The following TAFA1 variants were observed in gnomAD, a reference collection of about 807,000 sequenced individuals.
TAFA1 encodes TAFA chemokine like family member 1, also known as chemokine-like protein TAFA-1.
In TAFA1, 4 loss-of-function variants were observed where a neutral mutation model predicts 18.5. The ratio of observed to expected loss-of-function variants is 0.22; its 90% CI spans 0.11 to 0.49. TAFA1 has a LOEUF of 0.49. TAFA1 is among the 20% of genes least tolerant of loss of function. TAFA1 has a pLI of 0.98. For missense variants in TAFA1, 147 were observed against 169.0 expected (o/e 0.87, Z 0.72); for synonymous variants, 56 against 55.2 (o/e 1.01, Z -0.06).
chr3:68,497,065 G>T (rs1205875230), intron 3 of TAFA1, among the ~76,000 whole-genome samples: 1 of 152,106 alleles, frequency 6.6e-6, no homozygotes, highest in Non-Finnish European at 1.5e-5. Context: ...TTAGAATGAT[G>T]CCTTGTACAT....
chr3:68,149,522 T>C (rs530117755), intron 2 of TAFA1, among the ~76,000 whole-genome samples: 1 of 152,180 alleles, frequency 6.6e-6, no homozygotes, highest in African/African-American at 2.4e-5. Context: ...GGGGATCCAG[T>C]GTGTGGAGAC....
At chr3:68,176,096 G>T (rs746946621) in intron 2 of TAFA1, among the ~76,000 whole-genome samples, 2 of 152,222 alleles carry the variant, frequency 1.3e-5, no homozygotes, top group Non-Finnish European at 2.9e-5. Flanking sequence ...CCCCAGCCAT[G>T]TGGAACTGTA....
At chr3:68,020,711 A>G (rs543715773) in intron 2 of TAFA1, among the ~76,000 whole-genome samples, 1 of 152,304 alleles carries the variant, frequency 6.6e-6, no homozygotes, top group Admixed American at 6.5e-5. Context: ...TTCTGATAAT[A>G]AAATCCATGT....
intron 2 of TAFA1, among the ~76,000 whole-genome samples, chr3:68,012,877 G>A (rs1704499405): frequency 6.6e-6 from 1 of 152,126 alleles, no homozygotes; most frequent in Admixed American, 6.5e-5. Context: ...ATGAAACACT[G>A]TCTTCTGAAG....
intron 2 of TAFA1, among the ~76,000 whole-genome samples, chr3:68,291,646 G>A (rs928908061): frequency 2.0e-4 from 30 of 151,656 alleles, no homozygotes; most frequent in Non-Finnish European, 3.1e-4. Context: ...CGATCCACAC[G>A]TTAAGGTAGT....
chr3:68,313,982 C>T (rs72626962), intron 2 of TAFA1, among the ~76,000 whole-genome samples: 3,937 of 151,996 alleles, frequency 0.026, 90 homozygotes, highest in East Asian at 0.098. Context: ...AAAAGGAATC[C>T]TTTTTTTTCA....
intron 2 of TAFA1, among the ~76,000 whole-genome samples, chr3:68,311,155 G>A (rs1349513826): frequency 6.6e-6 from 1 of 152,084 alleles, no homozygotes; most frequent in Non-Finnish European, 1.5e-5. Context: ...CAAGAGAACA[G>A]CACAGGAGAG....
chr3:68,192,727 AT>A (rs1190750232), intron 2 of TAFA1: 1 of 151,722 alleles, frequency 6.6e-6, no homozygotes, highest in Non-Finnish European at 1.5e-5. Flanking sequence ...ATAAAATAAA[AT>A]TTTAATCAAT....
chr3:68,303,706 C>T (rs1347212234), intron 2 of TAFA1, among the ~76,000 whole-genome samples: 6 of 152,096 alleles, frequency 3.9e-5, no homozygotes, highest in Non-Finnish European at 8.8e-5. Context: ...GCCTTTGCCT[C>T]CCAAAGTGCT....
At chr3:68,382,520 G>C (rs1189753631) in intron 2 of TAFA1, among the ~76,000 whole-genome samples, 1 of 152,034 alleles carries the variant, frequency 6.6e-6, no homozygotes, top group Non-Finnish European at 1.5e-5. Context: ...TCAAAGATGA[G>C]ATTATTATCG....
intron 2 of TAFA1, among the ~76,000 whole-genome samples, chr3:68,159,540 C>T (rs1464337126): frequency 6.6e-6 from 1 of 152,100 alleles, no homozygotes; most frequent in Non-Finnish European, 1.5e-5. Context: ...CTTTTCTCTT[C>T]TCCACTTCCC....
chr3:68,301,373 T>C (rs1376833341), intron 2 of TAFA1, among the ~76,000 whole-genome samples: 1 of 152,224 alleles, frequency 6.6e-6, no homozygotes, highest in Non-Finnish European at 1.5e-5. Flanking sequence ...TAATTCTTTT[T>C]ATAGGTGCAT....
At position 68,050,713 on chromosome 3, in the gene TAFA1, G is replaced by T. The variant is rs75617315; in HGVS notation, c.118+43969G>T. On this transcript the variant is annotated intron_variant, in intron 2 of 4. Transcript: ENST00000478136. ...CCAGATTTTCAGCTTCTAAAGCAAGGGTCAGCCATTGACTAACTTTTCCTG... is the reference window on the plus strand; with the variant it reads ...CCAGATTTTCAGCTTCTAAAGCAAGTGTCAGCCATTGACTAACTTTTCCTG... Among the ~76,000 whole-genome samples the T allele has an allele frequency of 4.1e-3, 623 of 152,212 alleles. 1 individual carries two copies. The highest frequency in any genetic ancestry group is 7.1e-3 in the Non-Finnish European group (481 of 68,010).
At chr3:68,492,202 A>T (rs746817251) in intron 3 of TAFA1, among the ~76,000 whole-genome samples, 2 of 152,186 alleles carry the variant, frequency 1.3e-5, no homozygotes, top group African/African-American at 4.8e-5. Context: ...GCATTGCTCC[A>T]TAAAAGGATT....
intron 2 of TAFA1, among the ~76,000 whole-genome samples, chr3:68,413,056 A>T (rs967183399): frequency 2.0e-5 from 3 of 151,960 alleles, no homozygotes; most frequent in Non-Finnish European, 4.4e-5. Context: ...CTGACTTTTT[A>T]ATGATCACCA....
At chr3:68,529,447 A>G in intron 3 of TAFA1, among the ~76,000 whole-genome samples, 1 of 143,422 alleles carries the variant, frequency 7.0e-6, no homozygotes, top group East Asian at 2.0e-4. Flanking sequence ...AAAAAAAAAA[A>G]AAAAAAAAAA....
chr3:68,401,740 C>A (rs2070497982), intron 2 of TAFA1, among the ~76,000 whole-genome samples: 1 of 152,158 alleles, frequency 6.6e-6, no homozygotes, highest in African/African-American at 2.4e-5. Context: ...CTAGAGATGT[C>A]ATTATCTTCA....
At chr3:68,352,526 CT>C (rs1264230581) in intron 2 of TAFA1, among the ~76,000 whole-genome samples, 2 of 151,954 alleles carry the variant, frequency 1.3e-5, no homozygotes, top group African/African-American at 2.4e-5. Flanking sequence ...CATATCTGAG[CT>C]GACAAGAGTT....
intron 2 of TAFA1, among the ~76,000 whole-genome samples, chr3:68,373,641 C>T (rs2069755366): frequency 6.6e-6 from 1 of 152,186 alleles, no homozygotes; most frequent in African/African-American, 2.4e-5. Flanking sequence ...ACACAGCAGA[C>T]ACCAGCACGC....
Sources: allele counts gnomAD v4.1 joint callset (sites outside exome capture counted in the v4.1 genomes callset), GRCh38; gene constraint gnomAD v4.1.1; transcripts MANE v1.5; gene names NCBI Gene and HGNC (gene_info 2026-07-23, HGNC 2026-07-21).